NAA11: variants seen among roughly 807,000 people sequenced by gnomAD.
The protein encoded by NAA11 is N-alpha-acetyltransferase 11, NatA catalytic subunit.
Under a neutral mutation model 16.1 loss-of-function variants are expected in NAA11, and 15 were observed. That is an observed-to-expected ratio of 0.93 (90% CI 0.62 to 1.44). The LOEUF is 1.44. Among genes scored for constraint, NAA11 ranks in the 40% most tolerant of loss-of-function variants. The pLI is 0.00. For missense variants in NAA11, 298 were observed against 291.3 expected, an observed-to-expected ratio of 1.02 and a Z score of -0.17; for synonymous variants, 122 against 112.4, an observed-to-expected ratio of 1.09 and a Z score of -0.54.
At chr4:79,299,549 A>T (rs1307865131) in intron 1 of NAA11, 1 of 152,226 alleles carries the variant, frequency 6.6e-6, no homozygotes, top group Non-Finnish European at 1.5e-5. Flanking sequence ...TTATTAAAAA[A>T]GGTTTTTTAT....
At chr4:79,218,517 G>C in the NAA11 span, among the ~76,000 whole-genome samples, 105 of 151,962 alleles carry the variant, frequency 6.9e-4, no homozygotes, top group Middle Eastern at 3.4e-3. Flanking sequence ...ATAAAACCAA[G>C]AGTTATTAAA....
chr4:79,182,727 C>G, the NAA11 span, among the ~76,000 whole-genome samples: 1 of 152,046 alleles, frequency 6.6e-6, no homozygotes, highest in Admixed American at 6.6e-5. Context: ...AAATGCTTCT[C>G]AACAATGGGG....
downstream of NAA11, among the ~76,000 whole-genome samples, chr4:79,314,080 A>G (rs1183219495): frequency 6.6e-6 from 1 of 152,228 alleles, no homozygotes; most frequent in Non-Finnish European, 1.5e-5. Flanking sequence ...TGACCAAAAA[A>G]GCCCTAAAAA....
intron 2 of NAA11, among the ~76,000 whole-genome samples, chr4:79,232,138 G>C (rs1721480734): frequency 6.6e-6 from 1 of 151,742 alleles, no homozygotes; most frequent in South Asian, 2.1e-4. Context: ...TCCACACTGG[G>C]CACAGTATTG....
At chr4:79,304,529 G>A (rs527467662) in intron 1 of NAA11, among the ~76,000 whole-genome samples, 38 of 151,576 alleles carry the variant, frequency 2.5e-4, no homozygotes, top group Admixed American at 5.9e-4. Flanking sequence ...TCTATATTTC[G>A]GCAAGAATAT....
chr4:79,204,505 G>GCCTCCCTC, the NAA11 span, among the ~76,000 whole-genome samples: 1 of 148,394 alleles, frequency 6.7e-6, no homozygotes, highest in African/African-American at 2.5e-5. Flanking sequence ...CTTTTTTCCT[G>GCCTCCCTC]CCTCCCTCCC....
At chr4:79,230,749 C>T (rs1182668016) in intron 2 of NAA11, among the ~76,000 whole-genome samples, 1 of 151,890 alleles carries the variant, frequency 6.6e-6, no homozygotes, top group African/African-American at 2.4e-5. Context: ...ATCAATTCTT[C>T]TGGTCCTGAA....
chr4:79,285,666 C>T (rs563291282), intron 2 of NAA11, among the ~76,000 whole-genome samples: 1 of 152,080 alleles, frequency 6.6e-6, no homozygotes, highest in South Asian at 2.1e-4. Flanking sequence ...ATCATGATCA[C>T]TCTCCTTTCA....
chr4:79,228,194 A>G (rs1721369653), intron 2 of NAA11, among the ~76,000 whole-genome samples: 1 of 151,938 alleles, frequency 6.6e-6, no homozygotes, highest in Non-Finnish European at 1.5e-5. Context: ...TGGCCTGAGT[A>G]TTGTATTAAT....
the NAA11 span, among the ~76,000 whole-genome samples, chr4:79,177,318 G>A: frequency 6.6e-6 from 1 of 151,620 alleles, no homozygotes; most frequent in Non-Finnish European, 1.5e-5. Flanking sequence ...CCAGAAGACG[G>A]TGTCTCCCCT....
chr4:79,190,854 GTTGT>G, the NAA11 span, among the ~76,000 whole-genome samples: 1 of 151,964 alleles, frequency 6.6e-6, no homozygotes, highest in Admixed American at 6.6e-5. Flanking sequence ...CTCAGTGTCT[GTTGT>G]TTCTTTCTTA....
intron 2 of NAA11, among the ~76,000 whole-genome samples, chr4:79,240,776 C>T (rs1721674235): frequency 6.6e-6 from 1 of 152,016 alleles, no homozygotes; most frequent in South Asian, 2.1e-4. Context: ...TGCTGTTACA[C>T]AATGGAGGTA....
chr4:79,169,980 T>C, the NAA11 span, among the ~76,000 whole-genome samples: 1 of 152,318 alleles, frequency 6.6e-6, no homozygotes, highest in African/African-American at 2.4e-5. Flanking sequence ...TAGCAGTATT[T>C]CTGACCCTAC....
At chr4:79,170,927 A>G in the NAA11 span, among the ~76,000 whole-genome samples, 2 of 43,688 alleles carry the variant, frequency 4.6e-5, no homozygotes, top group African/African-American at 7.4e-5. Flanking sequence ...AGCATTCACA[A>G]AAAAACAAAA....
chr4:79,308,279 A>C (rs1026129557), intron 1 of NAA11: 4 of 152,180 alleles, frequency 2.6e-5, no homozygotes, highest in African/African-American at 9.7e-5. Flanking sequence ...GCAGGCTGTA[A>C]ATTTCGTTGA....
the NAA11 span, among the ~76,000 whole-genome samples, chr4:79,156,185 G>T: frequency 6.6e-6 from 1 of 152,060 alleles, no homozygotes; most frequent in Non-Finnish European, 1.5e-5. Context: ...CTGTATATTT[G>T]TAGTAAAACC....
At chr4:79,156,950 A>G in the NAA11 span, among the ~76,000 whole-genome samples, 4 of 152,238 alleles carry the variant, frequency 2.6e-5, no homozygotes, top group Non-Finnish European at 5.9e-5. Flanking sequence ...TTCATTTTAA[A>G]AAGTCTATTG....
At chr4:79,314,631 T>G (rs1290486018), downstream of NAA11, among the ~76,000 whole-genome samples, 1 of 100,632 alleles carries the variant, frequency 9.9e-6, no homozygotes, top group African/African-American at 5.0e-5. Context: ...GGTCTGCTGC[T>G]CCTTAAAATT....
chr4:79,206,463 C>T, the NAA11 span, among the ~76,000 whole-genome samples: 15 of 152,100 alleles, frequency 9.9e-5, no homozygotes, highest in Non-Finnish European at 2.1e-4. Context: ...TGAATGTCTG[C>T]TAGCCGTAAT....
Sources: allele counts gnomAD v4.1 joint callset (sites outside exome capture counted in the v4.1 genomes callset), GRCh38; gene constraint gnomAD v4.1.1; transcripts MANE v1.5; gene names NCBI Gene and HGNC (gene_info 2026-07-23, HGNC 2026-07-21).